TRIO: variants seen among roughly 807,000 people sequenced by gnomAD.
TRIO encodes the protein triple functional domain protein.
Under a neutral mutation model 351.9 loss-of-function variants are expected in TRIO, and 58 were observed. The ratio of observed to expected loss-of-function variants is 0.16; its 90% CI spans 0.13 to 0.21. The LOEUF (loss-of-function observed/expected upper bound fraction) is 0.21, where lower values mean the gene tolerates loss of function less well. Ranked by LOEUF, TRIO falls within the 10% of genes least tolerant of loss-of-function variation. The pLI is 1.00. For synonymous variants in TRIO, 1,758 were observed against 1,595.7 expected, an observed-to-expected ratio of 1.10 and a Z score of -2.42; for missense variants, 3,201 against 4,027.8, an observed-to-expected ratio of 0.79 and a Z score of 5.56.
intron 11 of TRIO, among the ~76,000 whole-genome samples, chr5:14,345,112 T>C (rs1314299487): frequency 6.6e-6 from 1 of 152,240 alleles, no homozygotes; most frequent in Non-Finnish European, 1.5e-5. Context: ...CTACATTTTT[T>C]TTCTGTAAGA....
In TRIO at chr5:14,190,931, G is replaced by A. The variant is rs1451400922; in HGVS notation, c.157+47049G>A. Among the ~76,000 whole-genome samples the A allele has an allele frequency of 2.6e-5, 4 of 152,116 alleles. No individual in the cohort carries two copies. The Middle Eastern group carries it at 9.5e-3, about 361-fold the overall frequency. On this transcript the variant is annotated intron_variant, in intron 1 of 56. Coordinates refer to ENST00000344204, the MANE Select transcript of TRIO (RefSeq NM_007118.4). Reference sequence around the variant, plus strand: ...TTTGTATCCACACAAGCACTTCTCCGATTTCCCTCATGCATTAGGTAATGA... The same window carrying A: ...TTTGTATCCACACAAGCACTTCTCCAATTTCCCTCATGCATTAGGTAATGA...
intron 11 of TRIO, among the ~76,000 whole-genome samples, chr5:14,338,569 C>G (rs1741642299): frequency 1.3e-5 from 2 of 152,222 alleles, no homozygotes; most frequent in African/African-American, 4.8e-5. Flanking sequence ...TTAAGGTGAT[C>G]TGTGTATGAA....
chr5:14,474,343 A>G (rs1459326195), intron 40 of TRIO, among the ~76,000 whole-genome samples: 1 of 152,208 alleles, frequency 6.6e-6, no homozygotes, highest in Non-Finnish European at 1.5e-5. Context: ...AGTAGCTGGA[A>G]GCACCAGCGT....
At chr5:14,171,257 A>C (rs970737434) in intron 1 of TRIO, among the ~76,000 whole-genome samples, 1 of 152,006 alleles carries the variant, frequency 6.6e-6, no homozygotes, top group African/African-American at 2.4e-5. Flanking sequence ...AGAAGAAACA[A>C]AATATTTTAT....
At chr5:14,468,167 T>C (rs945915773) in intron 37 of TRIO, among the ~76,000 whole-genome samples, 3 of 152,246 alleles carry the variant, frequency 2.0e-5, no homozygotes, top group Admixed American at 6.5e-5. Context: ...GTCTGTGGCA[T>C]GGTCAGTTTT....
At position 14,509,026 on chromosome 5, in the gene TRIO, C is replaced by A; in HGVS notation, c.*604C>A. 1 of 185,782 alleles carries A rather than the reference C, an allele frequency of 5.4e-6. No individual in the cohort carries two copies. The allele number at this position is 185,782 out of a possible 1,614,324, so 11.5% of individuals were successfully genotyped here. A position where few individuals can be genotyped will look rare whatever the true frequency, so the allele number is the denominator to read the frequency against. On this transcript the variant is annotated 3_prime_UTR_variant, in exon 57 of 57. Coordinates refer to ENST00000344204, the MANE Select transcript of TRIO (RefSeq NM_007118.4). The stretch of plus-strand genomic sequence containing the variant: ...GCCTTACTTGTATATAAGACTGTTC[C>A]TGCCTTCGGTCTGTCATTTTCCCAC...
At chr5:14,145,919 A>C (rs1260120284) in intron 1 of TRIO, among the ~76,000 whole-genome samples, 9 of 152,176 alleles carry the variant, frequency 5.9e-5, no homozygotes. Context: ...AGAACCAGGT[A>C]ATGTCTCACT....
intron 1 of TRIO, among the ~76,000 whole-genome samples, chr5:14,238,130 A>G (rs1793888804): frequency 6.6e-6 from 1 of 152,180 alleles, no homozygotes; most frequent in African/African-American, 2.4e-5. Flanking sequence ...AGTTTATGTC[A>G]GTTCTCTCGA....
In TRIO at chr5:14,465,445, A is replaced by G. The variant is rs1754179784; in HGVS notation, c.5668-100A>G. The G allele has an allele frequency of 1.9e-5, 21 of 1,134,456 alleles. No individual in the cohort carries two copies. The East Asian group carries it at 5.1e-4, about 27-fold the overall frequency. The allele number at this position is 1,134,456 out of a possible 1,614,324, so 70.3% of individuals were successfully genotyped here. On this transcript the variant is annotated intron_variant, in intron 36 of 56. Coordinates refer to ENST00000344204, the MANE Select transcript of TRIO (RefSeq NM_007118.4). ...ACTTGTGGTCTTTTTGTCTGGAATT[A>G]CTTTCACAAGAGATGGAGCTTGCAG...
intron 11 of TRIO, among the ~76,000 whole-genome samples, chr5:14,352,239 CTA>C (rs750678810): frequency 6.6e-5 from 10 of 152,220 alleles, no homozygotes; most frequent in Non-Finnish European, 1.3e-4. Context: ...CCTCTCAGCA[CTA>C]GAGATGGCCA....
chr5:14,303,701 A>G (rs1419498695), intron 7 of TRIO, among the ~76,000 whole-genome samples: 1 of 151,902 alleles, frequency 6.6e-6, no homozygotes, highest in African/African-American at 2.4e-5. Flanking sequence ...GATCCTGGAG[A>G]TGGAGGGTGG....
chr5:14,216,707 T>C (rs1792249874), intron 1 of TRIO, among the ~76,000 whole-genome samples: 1 of 152,238 alleles, frequency 6.6e-6, no homozygotes, highest in Non-Finnish European at 1.5e-5. Flanking sequence ...GCCAGGATGG[T>C]AGCAGTATTA....
chr5:14,328,652 G>A (rs931752247), intron 9 of TRIO, among the ~76,000 whole-genome samples: 2 of 152,218 alleles, frequency 1.3e-5, no homozygotes, highest in Non-Finnish European at 2.9e-5. Context: ...GGTTATAGGC[G>A]GGGATGCCAT....
At chr5:14,460,993 A>G in intron 34 of TRIO, 26 bp from the exon 35 acceptor site, 1 of 1,529,800 alleles carries the variant, frequency 6.5e-7, no homozygotes, top group Non-Finnish European at 8.8e-7. Context: ...CGAGTCAGTG[A>G]TACTCCCTCT....
rs1306535650 is a variant in TRIO, at chr5:14,143,776, C to G, written c.51C>G (p.Pro17=). The G allele has an allele frequency of 9.9e-7, 1 of 1,014,274 alleles. No homozygotes were observed. Among genetic ancestry groups the G allele is most frequent in the African/African-American group, 1.7e-5 (1 of 57,356 alleles). 62.8% of individuals were successfully genotyped at this position (1,014,274 alleles called of 1,614,324 possible). A position where few individuals can be genotyped will look rare whatever the true frequency, so the allele number is the denominator to read the frequency against. ...CCGCCCCCGCCGCGTCCTCCGGCCC[C>G]GCCGCGGCGGCCAGCGCGGCTGGCT... ...GAAAPAASSG[P]AAAASAAGSG... The change falls in exon 1 of 57, where the codon CCC becomes CCG. Residue 17 remains proline (P), a synonymous_variant. Coordinates refer to ENST00000344204, the MANE Select transcript of TRIO (RefSeq NM_007118.4).
intron 6 of TRIO, among the ~76,000 whole-genome samples, chr5:14,295,251 A>G (rs186559038): frequency 6.6e-6 from 1 of 152,244 alleles, no homozygotes; most frequent in Admixed American, 6.5e-5. Flanking sequence ...ATTAAGGGAT[A>G]CCAACAATTA....
At chr5:14,250,592 CT>C (rs954716363) in intron 1 of TRIO, among the ~76,000 whole-genome samples, 1 of 152,196 alleles carries the variant, frequency 6.6e-6, no homozygotes, top group Non-Finnish European at 1.5e-5. Context: ...AAAGCTTGGG[CT>C]TTTCCCTCCC....
intron 19 of TRIO, among the ~76,000 whole-genome samples, chr5:14,375,091 T>C (rs1745440533): frequency 6.6e-6 from 1 of 152,262 alleles, no homozygotes; most frequent in Non-Finnish European, 1.5e-5. Context: ...TACATTCTAC[T>C]GTCTGCTCAT....
Position 14,488,828 on chromosome 5 carries a change from G to A in TRIO, c.7632+568G>A, listed in dbSNP as rs1756250510. The A allele has an allele frequency of 7.4e-6, 5 of 673,536 alleles. No homozygotes were observed. In the Admixed American group the frequency reaches 1.1e-4, roughly 15 times the overall value. 41.7% of individuals were successfully genotyped at this position (673,536 alleles called of 1,614,324 possible). On this transcript the variant is annotated intron_variant, in intron 48 of 56. Coordinates refer to ENST00000344204, the MANE Select transcript of TRIO (RefSeq NM_007118.4). Reference sequence around the variant, plus strand: ...CACTGGGAACGCTTTACGTCACCGTGTTGCTCTGGAAGACAGAGACTGCTC... The same window carrying A: ...CACTGGGAACGCTTTACGTCACCGTATTGCTCTGGAAGACAGAGACTGCTC...
Sources: allele counts gnomAD v4.1 joint callset (sites outside exome capture counted in the v4.1 genomes callset), GRCh38; gene constraint gnomAD v4.1.1; transcripts MANE v1.5; gene names NCBI Gene and HGNC (gene_info 2026-07-23, HGNC 2026-07-21).